LRP1B: variants seen among roughly 807,000 people sequenced by gnomAD.
LRP1B encodes LDL receptor related protein 1B, also known as low-density lipoprotein receptor-related protein 1B.
In LRP1B, 217 loss-of-function variants were observed where a neutral mutation model predicts 556.6. The observed-to-expected ratio is 0.39, with a 90% confidence interval of 0.35 to 0.44. The LOEUF (loss-of-function observed/expected upper bound fraction) is 0.44, where lower values mean the gene tolerates loss of function less well. LRP1B is among the 20% of genes least tolerant of loss of function. The pLI is 1.00. For synonymous variants in LRP1B, 2,047 were observed against 1,865.8 expected (o/e 1.10, Z -2.50); for missense variants, 5,053 against 5,620.8 (o/e 0.90, Z 3.23).
At chr2:141,612,183 T>C (rs1009435001) in intron 2 of LRP1B, among the ~76,000 whole-genome samples, 1 of 152,214 alleles carries the variant, frequency 6.6e-6, no homozygotes, top group Admixed American at 6.5e-5. Flanking sequence ...GTGTAATGGA[T>C]AAACAAGTCT....
At chr2:140,435,336 G>C (rs1422803547) in intron 66 of LRP1B, among the ~76,000 whole-genome samples, 4 of 152,014 alleles carry the variant, frequency 2.6e-5, no homozygotes, top group Non-Finnish European at 4.4e-5. Flanking sequence ...TTAGAGAACT[G>C]AATATACTTG....
At chr2:141,105,091 A>C (rs1700571608) in intron 7 of LRP1B, among the ~76,000 whole-genome samples, 1 of 152,088 alleles carries the variant, frequency 6.6e-6, no homozygotes, top group African/African-American at 2.4e-5. Context: ...TAAGTACTAC[A>C]TAATAATTGC....
chr2:141,420,180 G>T (rs2104961571), intron 3 of LRP1B, among the ~76,000 whole-genome samples: 1 of 152,204 alleles, frequency 6.6e-6, no homozygotes, highest in East Asian at 1.9e-4. Context: ...TCAAATATTT[G>T]GGTGCTCTGA....
At chr2:141,106,445 G>A (rs909619077) in intron 7 of LRP1B, among the ~76,000 whole-genome samples, 1 of 151,970 alleles carries the variant, frequency 6.6e-6, no homozygotes, top group African/African-American at 2.4e-5. Context: ...ATAAATAAAA[G>A]TTATAACAAA....
In LRP1B at chr2:141,011,246, T is replaced by C. The variant is rs141140014; in HGVS notation, c.2380+2310A>G. Among the ~76,000 whole-genome samples, 453 of 150,624 alleles carry C rather than the reference T, an allele frequency of 3.0e-3. 2 individuals carry two copies. The highest frequency in any genetic ancestry group is 0.011 in the African/African-American group (440 of 41,276). ...TAACAGGACAATATGAAACCATTTA[T>C]AGGACACAGATCATCTACTTTCAAA... On this transcript the variant is annotated intron_variant, in intron 14 of 90. Transcript: ENST00000389484.
chr2:141,666,229 C>T (rs1215663404), intron 2 of LRP1B, among the ~76,000 whole-genome samples: 2 of 152,160 alleles, frequency 1.3e-5, no homozygotes, highest in African/African-American at 4.8e-5. Context: ...AGACTGACTT[C>T]TTAGACAAGC....
chr2:141,601,146 A>G (rs754044192), intron 2 of LRP1B, among the ~76,000 whole-genome samples: 4 of 152,172 alleles, frequency 2.6e-5, no homozygotes, highest in Non-Finnish European at 4.4e-5. Flanking sequence ...GCAAAAACTC[A>G]GGAAGCTTTT....
intron 77 of LRP1B, 125 bp from the exon 78 acceptor site, chr2:140,335,963 A>C: frequency 1.5e-6 from 1 of 651,138 alleles, no homozygotes; most frequent in Non-Finnish European, 2.8e-6. Flanking sequence ...TGCTATATAG[A>C]TGTCAAAAAG....
intron 37 of LRP1B, among the ~76,000 whole-genome samples, chr2:140,706,120 G>A (rs1463506707): frequency 3.3e-5 from 5 of 152,014 alleles, no homozygotes; most frequent in Admixed American, 6.6e-5. Flanking sequence ...TAGATTCTTG[G>A]CATCTAAATG....
chr2:140,884,595 A>G (rs1693578278), intron 24 of LRP1B, among the ~76,000 whole-genome samples: 1 of 152,196 alleles, frequency 6.6e-6, no homozygotes, highest in African/African-American at 2.4e-5. Flanking sequence ...GACTTGCAAG[A>G]TGTAACAAAA....
chr2:141,976,687 T>C (rs1425662508), intron 1 of LRP1B, among the ~76,000 whole-genome samples: 1 of 152,098 alleles, frequency 6.6e-6, no homozygotes, highest in Non-Finnish European at 1.5e-5. Context: ...AGAGTATGCA[T>C]CCTGTGTCTG....
intron 1 of LRP1B, among the ~76,000 whole-genome samples, chr2:141,870,947 C>G (rs1016935604): frequency 6.6e-5 from 10 of 152,076 alleles, no homozygotes; most frequent in Middle Eastern, 6.8e-3. Context: ...CTAGTCCCCC[C>G]TGGACCTTAG....
Position 140,951,882 on chromosome 2 carries a change from G to A in LRP1B, c.2946C>T (p.Ser982=), listed in dbSNP as rs1695726959. 2 of 1,613,730 alleles carry A rather than the reference G, an allele frequency of 1.2e-6. No individual in the cohort carries two copies. The highest frequency in any genetic ancestry group is 2.7e-5 in the African/African-American group (2 of 74,930). The change falls in exon 19 of 91, where the codon AGC becomes AGT. Residue 982 remains serine (S), a synonymous_variant. Transcript: ENST00000389484. ...QFVCKSGRCI[S]SKWHCDSDDD... ...TGCCAGAGTCGCAGTGCCATTTGCTGCTAATGCATCTTCCACTTTTGCATA... is the reference window on the plus strand; with the variant it reads ...TGCCAGAGTCGCAGTGCCATTTGCTACTAATGCATCTTCCACTTTTGCATA...
chr2:140,309,734 T>A (rs1253295427), intron 83 of LRP1B, among the ~76,000 whole-genome samples: 1 of 151,834 alleles, frequency 6.6e-6, no homozygotes, highest in African/African-American at 2.4e-5. Flanking sequence ...ATGTTAATAG[T>A]GGCATATCTG....
rs199645654 is a variant in LRP1B, at chr2:140,333,600, TATAA to T, written c.12223+849_12223+852del. Among the ~76,000 whole-genome samples the T allele has an allele frequency of 3.8e-3, 580 of 152,104 alleles. 11 individuals are homozygous for T. The highest frequency in any genetic ancestry group is 0.036 in the Admixed American group (544 of 15,222). ...GATTAATAAGAATATAAGCACTAAA[TATAA>T]ATAGTTTAAACTACAAAAGATATTA... On this transcript the variant is annotated intron_variant, in intron 79 of 90. Transcript: ENST00000389484.
chr2:140,818,528 T>A (rs182077096), intron 31 of LRP1B, among the ~76,000 whole-genome samples: 1 of 152,338 alleles, frequency 6.6e-6, no homozygotes, highest in African/African-American at 2.4e-5. Context: ...TTGGAAACAT[T>A]AAAACTTTAG....
chr2:141,299,751 A>T lies in LRP1B; in HGVS notation c.344-45110T>A, dbSNP rs1686315388. On this transcript the variant is annotated intron_variant, in intron 3 of 90. Transcript: ENST00000389484. ...TAATCACACTTTAACATCCTTTTGT[A>T]TGTTACCTAATTAGTAAAATGAAAA... Among the ~76,000 whole-genome samples the T allele has an allele frequency of 2.6e-5, 4 of 152,336 alleles. No homozygotes were observed. The South Asian group carries it at 8.3e-4, about 32-fold the overall frequency.
intron 18 of LRP1B, among the ~76,000 whole-genome samples, chr2:140,978,564 T>C (rs1323471669): frequency 6.6e-6 from 1 of 152,188 alleles, no homozygotes; most frequent in African/African-American, 2.4e-5. Flanking sequence ...ATTTATAGTA[T>C]ATTGTCAAAT....
rs865838872 is a variant in LRP1B, at chr2:140,883,849, G to C, written c.4137C>G (p.His1379Gln). Residue 1379 changes from histidine to glutamine, a missense_variant, in exon 25 of 91, where the codon CAC (histidine) becomes CAG (glutamine). Around this residue, in one of 5 missense-constraint regions of LRP1B, gnomAD observed 3,619 missense variants for 3,931.9 expected, o/e 0.92. Transcript: ENST00000389484. ...RTTLIAGAMEHPRAIALDPRY... is the reference protein window; with the variant it reads ...RTTLIAGAMEQPRAIALDPRY... Reference sequence around the variant, plus strand: ...TTGGGTCCAAAGCAATGGCCCTGGGGTGTTCCATGGCTCCTGCTATTAGTG... The same window carrying C: ...TTGGGTCCAAAGCAATGGCCCTGGGCTGTTCCATGGCTCCTGCTATTAGTG... 1.9e-6 allele frequency: 3 copies of C among 1,613,888 alleles called. No homozygotes were observed. The highest frequency in any genetic ancestry group is 2.5e-6 in the Non-Finnish European group (3 of 1,179,900).
Sources: allele counts gnomAD v4.1 joint callset (sites outside exome capture counted in the v4.1 genomes callset), GRCh38; gene constraint gnomAD v4.1.1; regional missense constraint gnomAD v4.1.1; transcripts MANE v1.5; gene names NCBI Gene and HGNC (gene_info 2026-07-23, HGNC 2026-07-21).